Variants in CCSER1 observed in about 807,000 individuals in gnomAD.
The protein encoded by CCSER1 is serine-rich coiled-coil domain-containing protein 1.
CCSER1 carries 41 observed loss-of-function variants against 82.0 expected under a neutral mutation model. That is an observed-to-expected ratio of 0.50 (90% CI 0.39 to 0.65). The LOEUF is 0.65. CCSER1 is among the 30% of genes least tolerant of loss of function. The probability of loss-of-function intolerance (pLI) is 0.00; values close to 1 mark genes in which losing one functional copy is unlikely to be tolerated. For missense variants in CCSER1, 1,119 were observed against 1,064.2 expected (o/e 1.05, Z -0.72); for synonymous variants, 414 against 383.9 (o/e 1.08, Z -0.92).
intron 10 of CCSER1, among the ~76,000 whole-genome samples, chr4:91,399,497 G>T (rs1287840829): frequency 6.6e-6 from 1 of 151,876 alleles, no homozygotes; most frequent in African/African-American, 2.4e-5. Context: ...TCTTCAGAGG[G>T]GTAATCAATT....
At chr4:91,392,284 G>T (rs1751699221) in intron 10 of CCSER1, among the ~76,000 whole-genome samples, 1 of 151,050 alleles carries the variant, frequency 6.6e-6, no homozygotes, top group Non-Finnish European at 1.5e-5. Context: ...AAGCAAAAAA[G>T]TAGCAGCCAA....
chr4:91,291,083 A>C (rs1294567698), intron 10 of CCSER1, among the ~76,000 whole-genome samples: 2 of 151,400 alleles, frequency 1.3e-5, no homozygotes, highest in African/African-American at 4.8e-5. Context: ...ATATTATTTT[A>C]TAAATATTTT....
At chr4:90,946,637 A>AGAG (rs777665527) in intron 9 of CCSER1, among the ~76,000 whole-genome samples, 6,619 of 104,410 alleles carry the variant, frequency 0.063, 484 homozygotes, top group African/African-American at 0.17. Context: ...AAAAAAAAAA[A>AGAG]AAAGAGATTA....
Position 91,341,347 on chromosome 4 carries a change from G to A in CCSER1, c.2217+255353G>A, listed in dbSNP as rs553699970. 9.2e-5 allele frequency among the ~76,000 whole-genome samples: 14 copies of A among 152,066 alleles called. No homozygotes were observed. In the East Asian group the frequency reaches 2.5e-3, roughly 27 times the overall value. ...TGGATTGAGTAAAGCAGTGTAATAG[G>A]GTGATATGCTTGGAACTACAAAAAG... On this transcript the variant is annotated intron_variant, in intron 10 of 10. Coordinates refer to ENST00000509176, the MANE Select transcript of CCSER1 (RefSeq NM_001145065.2).
chr4:91,268,739 A>C (rs1741804094), intron 10 of CCSER1, among the ~76,000 whole-genome samples: 1 of 152,144 alleles, frequency 6.6e-6, no homozygotes, highest in African/African-American at 2.4e-5. Context: ...TCTTACAGGC[A>C]GGGGCGGGGT....
chr4:90,810,865 C>G (rs529862695), intron 7 of CCSER1, among the ~76,000 whole-genome samples: 2 of 130,104 alleles, frequency 1.5e-5, no homozygotes, highest in African/African-American at 6.3e-5. Flanking sequence ...CGGAGTCTCG[C>G]TCTGTCGCCC....
At chr4:91,514,346 C>T (rs6532315) in intron 10 of CCSER1, among the ~76,000 whole-genome samples, 105,452 of 151,944 alleles carry the variant, frequency 0.69, 36,734 homozygotes, top group Non-Finnish European at 0.72. Flanking sequence ...TGATTTTTTG[C>T]TTTATTGAGA....
At chr4:90,133,407 T>C (rs928001474) in intron 1 of CCSER1, among the ~76,000 whole-genome samples, 4 of 152,170 alleles carry the variant, frequency 2.6e-5, no homozygotes, top group South Asian at 2.1e-4. Context: ...AATACAAAAG[T>C]TGACCAATTT....
chr4:90,777,428 A>G (rs1163922795), intron 7 of CCSER1, among the ~76,000 whole-genome samples: 1 of 149,486 alleles, frequency 6.7e-6, no homozygotes, highest in Non-Finnish European at 1.5e-5. Flanking sequence ...AGTACTTCCT[A>G]TTTTCCTCCT....
chr4:91,325,994 T>C (rs1369312170), intron 10 of CCSER1, among the ~76,000 whole-genome samples: 2 of 152,126 alleles, frequency 1.3e-5, no homozygotes, highest in Non-Finnish European at 2.9e-5. Flanking sequence ...TTGTTTTTTT[T>C]TTTAAGTTGT....
chr4:91,374,458 C>T (rs528465721), intron 10 of CCSER1, among the ~76,000 whole-genome samples: 30 of 152,290 alleles, frequency 2.0e-4, no homozygotes, highest in Admixed American at 7.2e-4. Flanking sequence ...ATGTCAAAGA[C>T]TGGATGACAG....
intron 6 of CCSER1, among the ~76,000 whole-genome samples, chr4:90,694,141 T>G (rs192683111): frequency 6.6e-6 from 1 of 152,116 alleles, no homozygotes; most frequent in Non-Finnish European, 1.5e-5. Context: ...TAAAGAAGAC[T>G]AGAGTAGGAG....
intron 10 of CCSER1, among the ~76,000 whole-genome samples, chr4:91,484,035 G>T (rs1758089878): frequency 7.4e-6 from 1 of 134,896 alleles, no homozygotes. Flanking sequence ...GCACTGTTGA[G>T]TCTTATTCTG....
intron 1 of CCSER1, among the ~76,000 whole-genome samples, chr4:90,297,663 A>G (rs1208920953): frequency 2.6e-5 from 4 of 151,320 alleles, no homozygotes; most frequent in Admixed American, 6.6e-5. Flanking sequence ...TTTGAGATAC[A>G]TCCCATCAAC....
chr4:91,304,249 C>T (rs1295641901), intron 10 of CCSER1, among the ~76,000 whole-genome samples: 1 of 151,822 alleles, frequency 6.6e-6, no homozygotes, highest in Non-Finnish European at 1.5e-5. Flanking sequence ...TTAAATAGAA[C>T]TGTTTAAAAG....
chr4:91,209,101 G>A (rs934162046), intron 10 of CCSER1, among the ~76,000 whole-genome samples: 2 of 151,858 alleles, frequency 1.3e-5, no homozygotes, highest in African/African-American at 2.4e-5. Context: ...ATCAGCTCAC[G>A]GATCTTTTTG....
At chr4:90,855,657 T>A (rs1489106809) in intron 8 of CCSER1, among the ~76,000 whole-genome samples, 1 of 152,158 alleles carries the variant, frequency 6.6e-6, no homozygotes, top group Non-Finnish European at 1.5e-5. Flanking sequence ...AGGAAAATAC[T>A]TTTTTTCTTG....
chr4:90,249,718 A>G (rs747392504), intron 1 of CCSER1, among the ~76,000 whole-genome samples: 1 of 152,046 alleles, frequency 6.6e-6, no homozygotes, highest in African/African-American at 2.4e-5. Flanking sequence ...TGGATCTACC[A>G]CATGTATTTT....
chr4:90,976,460 T>G (rs1306391799), intron 9 of CCSER1, among the ~76,000 whole-genome samples: 1 of 151,102 alleles, frequency 6.6e-6, no homozygotes, highest in Non-Finnish European at 1.5e-5. Context: ...TAAGTAGCAA[T>G]AATTTTAGGT....
Sources: allele counts gnomAD v4.1 joint callset (sites outside exome capture counted in the v4.1 genomes callset), GRCh38; gene constraint gnomAD v4.1.1; transcripts MANE v1.5; gene names NCBI Gene and HGNC (gene_info 2026-07-23, HGNC 2026-07-21).